Variants in SLC22A9 observed in about 807,000 individuals in gnomAD.
SLC22A9 encodes the protein organic anion transporter 7.
A neutral mutation model predicts 50.1 loss-of-function variants in SLC22A9; 64 were observed. The observed-to-expected ratio is 1.28, with a 90% CI of 1.04 to 1.57. The LOEUF (loss-of-function observed/expected upper bound fraction) is 1.57, where lower values mean the gene tolerates loss of function less well. Among genes scored for constraint, SLC22A9 ranks in the 40% most tolerant of loss-of-function variants. The pLI is 0.00. For synonymous variants in SLC22A9, 261 were observed against 242.5 expected (o/e 1.08, Z -0.71); for missense variants, 757 against 676.1 (o/e 1.12, Z -1.33).
At chr11:63,378,243 A>T (rs193182758) in intron 5 of SLC22A9, among the ~76,000 whole-genome samples, 1,666 of 135,756 alleles carry the variant, frequency 0.012, 60 homozygotes, top group African/African-American at 0.038. Flanking sequence ...AAAAAATTTT[A>T]AAAAAAGAAA....
chr11:63,401,464 A>G (rs141292983), intron 6 of SLC22A9, among the ~76,000 whole-genome samples: 1 of 152,232 alleles, frequency 6.6e-6, no homozygotes, highest in African/African-American at 2.4e-5. Context: ...GATTTCTACA[A>G]TGAAAACAAT....
Position 63,375,716 on chromosome 11 carries a change from AAGCTG to A in SLC22A9, c.903_907del (p.Lys301AsnfsTer38). 3 of 1,612,922 alleles carry A rather than the reference AAGCTG, an allele frequency of 1.9e-6. No homozygotes were observed. The highest frequency in any genetic ancestry group is 2.5e-6 in the Non-Finnish European group (3 of 1,179,168). ...GAGGAAGGCTTAAAGGAACTTAGAA[AAGCTG>A]CACACAGGAGTGGAATGAAGAATGC... On this transcript the variant is annotated frameshift_variant, in exon 5 of 10. Transcript: ENST00000279178. LOFTEE classifies it high-confidence loss of function.
intron 6 of SLC22A9, among the ~76,000 whole-genome samples, chr11:63,402,995 A>G (rs1254874211): frequency 6.6e-6 from 1 of 152,134 alleles, no homozygotes; most frequent in African/African-American, 2.4e-5. Context: ...GAAGAAAAAC[A>G]CTTTCCAAAA....
chr11:63,377,624 C>G lies in SLC22A9; in HGVS notation c.954+1856C>G, dbSNP rs149792202. 1.5e-4 allele frequency among the ~76,000 whole-genome samples: 23 copies of G among 152,070 alleles called. No individual in the cohort carries two copies. In the East Asian group the frequency reaches 4.4e-3, roughly 29 times the overall value. ...AGTTTGAGAGATCTCAAATTAACAA[C>G]CTAACCTCAAACCTATTGGAACTAG... On this transcript the variant is annotated intron_variant, in intron 5 of 9. Transcript: ENST00000279178.
chr11:63,406,417 C>T (rs1175151831), intron 6 of SLC22A9, 80 bp from the exon 7 acceptor site: 3 of 1,282,852 alleles, frequency 2.3e-6, no homozygotes, highest in South Asian at 2.6e-5. Flanking sequence ...TCCCTAGCTG[C>T]CTGGGCCAAT....
intron 6 of SLC22A9, among the ~76,000 whole-genome samples, chr11:63,400,527 C>T (rs909885264): frequency 1.3e-5 from 2 of 151,960 alleles, no homozygotes; most frequent in Non-Finnish European, 2.9e-5. Flanking sequence ...AATAAAAAGT[C>T]CTCCATCAAA....
At chr11:63,409,436 G>A (rs1565191695) in intron 9 of SLC22A9, among the ~76,000 whole-genome samples, 1 of 109,174 alleles carries the variant, frequency 9.2e-6, no homozygotes, top group East Asian at 6.1e-4. Context: ...TATCTGATGA[G>A]CTAAAAAAAA....
Position 63,408,115 on chromosome 11 carries a change from T to C in SLC22A9, c.1292T>C (p.Met431Thr). 6.2e-7 allele frequency: 1 copy of C among 1,613,134 alleles called. No homozygotes were observed. The highest frequency in any genetic ancestry group is 8.5e-7 in the Non-Finnish European group (1 of 1,179,360). ...CTTGTGTTCTTCCTTTCTCCAGAAATGCAGACGCTGCGTGAGGTTTTGGCA... is the reference window on the plus strand; with the variant it reads ...CTTGTGTTCTTCCTTTCTCCAGAAACGCAGACGCTGCGTGAGGTTTTGGCA... ...LLAIIFVPQEMQTLREVLATL... is the reference protein window; with the variant it reads ...LLAIIFVPQETQTLREVLATL... The change falls in exon 8 of 10, where the codon ATG becomes ACG. Residue 431 changes from methionine (M) to threonine (T), a missense_variant. Physicochemically the swap from Met to Thr is moderately conservative, Grantham distance 81. Transcript: ENST00000279178.
At chr11:63,407,389 T>G (rs1180678327) in intron 7 of SLC22A9, among the ~76,000 whole-genome samples, 3 of 152,156 alleles carry the variant, frequency 2.0e-5, no homozygotes, top group African/African-American at 7.2e-5. Context: ...AGTGTAGTAA[T>G]GTATCTAACA....
In SLC22A9 at chr11:63,373,657, T is replaced by C; in HGVS notation, c.520T>C (p.Phe174Leu). ...TCTGTTTCTCAGGTTTGGGAGAAGG[T>C]TCGTGCTCAGATGGTGTTACCTCCA... is the stretch of plus-strand genomic sequence containing the variant. Reference protein sequence around the residue: ...GHLSDRFGRRFVLRWCYLQVA... With the variant: ...GHLSDRFGRRLVLRWCYLQVA... The change falls in exon 3 of 10, where the codon TTC becomes CTC. Residue 174 changes from phenylalanine (F) to leucine (L), a missense_variant. Transcript: ENST00000279178. 6.4e-7 allele frequency: 1 copy of C among 1,569,202 alleles called. No individual in the cohort carries two copies. The highest frequency in any genetic ancestry group is 8.6e-7 in the Non-Finnish European group (1 of 1,162,734).
At position 63,373,973 on chromosome 11, in the gene SLC22A9, C is replaced by T. The variant is rs1039091996; in HGVS notation, c.741C>T (p.Thr247=). Reference sequence around the variant, plus strand: ...GCCCTTCTGGTATTGCATTTATGACCCTGGCAGGCCTGGCTTTTGCCATTC... The same window carrying T: ...GCCCTTCTGGTATTGCATTTATGACTCTGGCAGGCCTGGCTTTTGCCATTC... The part of the protein sequence containing the change: ...GMCPSGIAFM[T]LAGLAFAIRD... Residue 247 remains threonine (T), a synonymous_variant, in exon 4 of 10, where the codon ACC becomes ACT. Coordinates refer to ENST00000279178, the MANE Select transcript of SLC22A9 (RefSeq NM_080866.3). 6.2e-7 allele frequency: 1 copy of T among 1,613,460 alleles called. No homozygotes were observed. The highest frequency in any genetic ancestry group is 8.5e-7 in the Non-Finnish European group (1 of 1,179,774).
chr11:63,406,678 A>G lies in SLC22A9; in HGVS notation c.1255A>G (p.Ile419Val), dbSNP rs1047816260. 1.9e-6 allele frequency: 3 copies of G among 1,613,572 alleles called. No homozygotes were observed. The highest frequency in any genetic ancestry group is 2.2e-5 in the East Asian group (1 of 44,864). Residue 419 changes from isoleucine to valine, a missense_variant, in exon 7 of 10, where the codon ATC becomes GTC. Ile to Val is a conservative substitution (Grantham distance 29, BLOSUM62 3). Transcript: ENST00000279178. Reference protein sequence around the residue: ...SQMLLMFLLAICLLAIIFVPQ... With the variant: ...SQMLLMFLLAVCLLAIIFVPQ... ...GATGCTTCTCATGTTCCTACTGGCAATCTGCCTTCTGGCCATCATATTTGT... is the reference window on the plus strand; with the variant it reads ...GATGCTTCTCATGTTCCTACTGGCAGTCTGCCTTCTGGCCATCATATTTGT...
At chr11:63,382,482 C>T (rs894527375) in intron 6 of SLC22A9, among the ~76,000 whole-genome samples, 4 of 152,138 alleles carry the variant, frequency 2.6e-5, no homozygotes, top group Admixed American at 6.6e-5. Flanking sequence ...TTTTGTTTAT[C>T]GCAACACCCT....
intron 6 of SLC22A9, among the ~76,000 whole-genome samples, chr11:63,396,391 AT>A (rs2014857677): frequency 6.6e-6 from 1 of 152,118 alleles, no homozygotes; most frequent in South Asian, 2.1e-4. Flanking sequence ...CTGCCCCTGT[AT>A]TTCTCTTGGC....
intron 6 of SLC22A9, among the ~76,000 whole-genome samples, chr11:63,396,635 A>C (rs2119977436): frequency 6.6e-6 from 1 of 152,270 alleles, no homozygotes; most frequent in South Asian, 2.1e-4. Context: ...GTCATTCTGG[A>C]GCTAAAATTC....
chr11:63,376,159 C>T (rs1040346845), intron 5 of SLC22A9, among the ~76,000 whole-genome samples: 1 of 152,058 alleles, frequency 6.6e-6, no homozygotes, highest in African/African-American at 2.4e-5. Context: ...AAATAGAATA[C>T]AACATAAAGA....
At chr11:63,378,935 C>T (rs1314455563) in intron 5 of SLC22A9, among the ~76,000 whole-genome samples, 4 of 152,010 alleles carry the variant, frequency 2.6e-5, no homozygotes, top group Non-Finnish European at 5.9e-5. Context: ...TTTAAATGGC[C>T]ATACACCCAA....
intron 6 of SLC22A9, among the ~76,000 whole-genome samples, chr11:63,391,639 T>G (rs1401536828): frequency 6.6e-6 from 1 of 152,032 alleles, no homozygotes; most frequent in Non-Finnish European, 1.5e-5. Context: ...TGCTCTTTCT[T>G]GGTTTCCTTT....
At chr11:63,397,700 T>A (rs960460628) in intron 6 of SLC22A9, among the ~76,000 whole-genome samples, 2 of 152,034 alleles carry the variant, frequency 1.3e-5, no homozygotes, top group Non-Finnish European at 2.9e-5. Flanking sequence ...TTATTGCCAA[T>A]GTGCACTCAA....
Sources: allele counts gnomAD v4.1 joint callset (sites outside exome capture counted in the v4.1 genomes callset), GRCh38; gene constraint gnomAD v4.1.1; transcripts MANE v1.5; gene names NCBI Gene and HGNC (gene_info 2026-07-23, HGNC 2026-07-21).